CDH6: variants seen among roughly 807,000 people sequenced by gnomAD.
CDH6 encodes the protein cadherin-6.
A neutral mutation model predicts 78.0 loss-of-function variants in CDH6; 31 were observed. That is an observed-to-expected ratio of 0.40 (90% CI 0.30 to 0.54). CDH6 has a LOEUF of 0.54. CDH6 is among the 20% of genes least tolerant of loss of function. CDH6 has a pLI of 0.56. For missense variants in CDH6, 724 were observed against 975.9 expected (o/e 0.74, Z 3.44); for synonymous variants, 376 against 368.8 (o/e 1.02, Z -0.23).
chr5:31,293,884 C>A, intron 2 of CDH6, 78 bp from the exon 3 acceptor site: 1 of 891,066 alleles, frequency 1.1e-6, no homozygotes, highest in Non-Finnish European at 1.7e-6. Flanking sequence ...GTTAATGTAG[C>A]ATGCACCAAA....
At chr5:31,238,131 T>C (rs1741500681) in intron 1 of CDH6, among the ~76,000 whole-genome samples, 2 of 152,224 alleles carry the variant, frequency 1.3e-5, no homozygotes, top group African/African-American at 2.4e-5. Flanking sequence ...ATTTTTGCTT[T>C]TTACACAAGT....
rs1738667239 is a variant in CDH6, at chr5:31,328,581, A to C, written c.*5273A>C. On this transcript the variant is annotated 3_prime_UTR_variant, in exon 12 of 12. Coordinates refer to ENST00000265071, the MANE Select transcript of CDH6 (RefSeq NM_004932.4). Reference sequence around the variant, plus strand: ...AAGAGTAGGCCTTATAATAAATGCTATGTGCGTCTTCAGTAGTTCCAAGCT... The same window carrying C: ...AAGAGTAGGCCTTATAATAAATGCTCTGTGCGTCTTCAGTAGTTCCAAGCT... The C allele has an allele frequency of 4.9e-6, 1 of 204,740 alleles. No individual in the cohort carries two copies. Among genetic ancestry groups the C allele is most frequent in the Admixed American group, 6.0e-5 (1 of 16,766 alleles). The allele number at this position is 204,740 out of a possible 1,614,324, so 12.7% of individuals were successfully genotyped here.
chr5:31,239,243 G>A (rs1741533369), intron 1 of CDH6, among the ~76,000 whole-genome samples: 1 of 152,190 alleles, frequency 6.6e-6, no homozygotes. Context: ...TTATTTTACA[G>A]TTAAAGAAAC....
intron 1 of CDH6, among the ~76,000 whole-genome samples, chr5:31,260,247 C>A (rs1483983196): frequency 6.6e-6 from 1 of 152,112 alleles, no homozygotes; most frequent in Non-Finnish European, 1.5e-5. Context: ...TAATGTCATC[C>A]CATTTTACAG....
At chr5:31,261,583 G>A (rs1027233858) in intron 1 of CDH6, among the ~76,000 whole-genome samples, 1 of 152,154 alleles carries the variant, frequency 6.6e-6, no homozygotes, top group Admixed American at 6.5e-5. Context: ...ACTGGTTAAA[G>A]TATATTAATA....
intron 1 of CDH6, among the ~76,000 whole-genome samples, chr5:31,225,814 G>A (rs756222705): frequency 1.3e-5 from 2 of 152,170 alleles, no homozygotes; most frequent in African/African-American, 2.4e-5. Flanking sequence ...ATTCAAATGT[G>A]CATAATGGTA....
chr5:31,290,908 A>C (rs1195893719), intron 2 of CDH6, among the ~76,000 whole-genome samples: 3 of 152,112 alleles, frequency 2.0e-5, no homozygotes, highest in Admixed American at 2.0e-4. Context: ...CTGCAAAGCA[A>C]CCCTTGCTCA....
intron 2 of CDH6, among the ~76,000 whole-genome samples, chr5:31,287,140 C>A (rs1743033009): frequency 1.3e-5 from 2 of 152,052 alleles, no homozygotes; most frequent in South Asian, 4.1e-4. Flanking sequence ...ACTGATGGTA[C>A]AGAGATAGCA....
chr5:31,228,597 T>C (rs536170076), intron 1 of CDH6, among the ~76,000 whole-genome samples: 2 of 152,330 alleles, frequency 1.3e-5, no homozygotes, highest in African/African-American at 4.8e-5. Flanking sequence ...TTTCCACAGA[T>C]GTGGTGGGGT....
chr5:31,284,424 G>C (rs1742957782), intron 2 of CDH6, among the ~76,000 whole-genome samples: 1 of 152,230 alleles, frequency 6.6e-6, no homozygotes, highest in African/African-American at 2.4e-5. Context: ...GAATCCACAG[G>C]GTGGAACAGT....
rs1312138821 is a variant in CDH6, at chr5:31,299,464, G to T, written c.644G>T (p.Gly215Val). 6.2e-7 allele frequency: 1 copy of T among 1,609,626 alleles called. No homozygotes were observed. Among genetic ancestry groups the T allele is most frequent in the Non-Finnish European group, 8.5e-7 (1 of 1,176,550 alleles). ...GCACTCTTAAATTTCACATCCACAG[G>T]TATTATCAAGACAGCTTTGCTCAAC... Reference protein sequence around the residue: ...QPYFSVESETGIIKTALLNMD... With the variant: ...QPYFSVESETVIIKTALLNMD... The change falls in exon 5 of 12, where the codon GGT becomes GTT. Residue 215 changes from glycine to valine, a missense_variant and splice_region_variant. Coordinates refer to ENST00000265071, the MANE Select transcript of CDH6 (RefSeq NM_004932.4).
chr5:31,328,726 AC>A lies in CDH6; in HGVS notation c.*5421del. The A allele has an allele frequency of 4.6e-6, 1 of 215,818 alleles. No individual in the cohort carries two copies. Among genetic ancestry groups the A allele is most frequent in the African/African-American group, 2.2e-5 (1 of 44,482 alleles). 13.4% of individuals were successfully genotyped at this position (215,818 alleles called of 1,614,324 possible). A position where few individuals can be genotyped will look rare whatever the true frequency, so the allele number is the denominator to read the frequency against. ...CCAAGTATAAATTGAAACGGATGCCACCCTTGAAGATTTACTGGCGGGAATG... is the reference window on the plus strand; with the variant it reads ...CCAAGTATAAATTGAAACGGATGCCACCTTGAAGATTTACTGGCGGGAATG... On this transcript the variant is annotated 3_prime_UTR_variant, in exon 12 of 12. Coordinates refer to ENST00000265071, the MANE Select transcript of CDH6 (RefSeq NM_004932.4).
chr5:31,270,509 CCA>C (rs1189634301), intron 2 of CDH6, among the ~76,000 whole-genome samples: 1 of 152,046 alleles, frequency 6.6e-6, no homozygotes, highest in Non-Finnish European at 1.5e-5. Context: ...TTTGATTTTT[CCA>C]CTGTAATTGC....
intron 1 of CDH6, among the ~76,000 whole-genome samples, chr5:31,240,946 A>G (rs1741585647): frequency 6.6e-6 from 1 of 152,204 alleles, no homozygotes. Context: ...TTTATAGTCC[A>G]GGCTAGTCCT....
chr5:31,295,810 A>G (rs755134138), intron 3 of CDH6, among the ~76,000 whole-genome samples: 1 of 152,042 alleles, frequency 6.6e-6, no homozygotes, highest in South Asian at 2.1e-4. Context: ...ATAAATGTCA[A>G]CTCCAAAGGG....
intron 1 of CDH6, among the ~76,000 whole-genome samples, chr5:31,223,414 G>A (rs1741055823): frequency 6.6e-6 from 1 of 152,142 alleles, no homozygotes; most frequent in African/African-American, 2.4e-5. Context: ...AAAAATGGAA[G>A]CTTTGTAACA....
At chr5:31,299,885 T>C (rs1009059058) in intron 5 of CDH6, among the ~76,000 whole-genome samples, 2 of 152,212 alleles carry the variant, frequency 1.3e-5, no homozygotes, top group Admixed American at 6.5e-5. Flanking sequence ...TTTCTCCTTA[T>C]TAAGAAAACT....
At chr5:31,316,542 A>C (rs1170611493) in intron 9 of CDH6, among the ~76,000 whole-genome samples, 1 of 152,246 alleles carries the variant, frequency 6.6e-6, no homozygotes, top group Non-Finnish European at 1.5e-5. Flanking sequence ...GGCTGATTCC[A>C]AATCGATCTT....
intron 1 of CDH6, among the ~76,000 whole-genome samples, chr5:31,248,751 A>T (rs891928326): frequency 6.6e-6 from 1 of 152,046 alleles, no homozygotes; most frequent in Non-Finnish European, 1.5e-5. Context: ...ACACACAATT[A>T]TACCACCCCA....
Sources: allele counts gnomAD v4.1 joint callset (sites outside exome capture counted in the v4.1 genomes callset), GRCh38; gene constraint gnomAD v4.1.1; transcripts MANE v1.5; gene names NCBI Gene and HGNC (gene_info 2026-07-23, HGNC 2026-07-21).